Variants in SYNJ2 observed in about 807,000 individuals in gnomAD.
SYNJ2 encodes polyphosphatidylinositol phosphatase SYNJ2.
Under a neutral mutation model 141.3 loss-of-function variants are expected in SYNJ2, and 116 were observed. The ratio of observed to expected loss-of-function variants is 0.82; its 90% CI spans 0.71 to 0.96. The LOEUF (loss-of-function observed/expected upper bound fraction) is 0.96. SYNJ2 is among the 40% of genes least tolerant of loss of function. SYNJ2 has a pLI of 0.00. For missense variants in SYNJ2, 1,873 were observed against 1,934.8 expected (o/e 0.97, Z 0.60); for synonymous variants, 745 against 777.7 (o/e 0.96, Z 0.70).
chr6:158,067,548 C>A, intron 12 of SYNJ2: 4 of 985,390 alleles, frequency 4.1e-6, no homozygotes, highest in Non-Finnish European at 4.8e-6. Context: ...TTGACTCGGG[C>A]CTTGGTTTTT....
At chr6:158,083,900 G>A in intron 21 of SYNJ2, 101 bp from the exon 22 acceptor site, 1 of 1,347,102 alleles carries the variant, frequency 7.4e-7, no homozygotes, top group Admixed American at 1.7e-5. Context: ...AGGGCAGGGT[G>A]CACGTGTCCT....
intron 3 of SYNJ2, 159 bp downstream of exon 3, chr6:158,029,185 G>C (rs750210613): frequency 2.2e-5 from 21 of 966,720 alleles, no homozygotes; most frequent in Non-Finnish European, 3.0e-5. Flanking sequence ...CACAATGAGA[G>C]GAAAACTAAC....
At chr6:158,065,565 CT>C (rs1781514343) in intron 11 of SYNJ2, among the ~76,000 whole-genome samples, 1 of 152,198 alleles carries the variant, frequency 6.6e-6, no homozygotes, top group South Asian at 2.1e-4. Flanking sequence ...CATATTAGGT[CT>C]CATGGAAAAG....
chr6:157,995,352 C>T (rs1429839278), intron 1 of SYNJ2, among the ~76,000 whole-genome samples: 3 of 152,086 alleles, frequency 2.0e-5, no homozygotes, highest in African/African-American at 7.2e-5. Context: ...TTGAGGGGTG[C>T]TCCTATTAAA....
intron 18 of SYNJ2, among the ~76,000 whole-genome samples, chr6:158,080,479 TA>T (rs61208089): frequency 0.12 from 14,802 of 121,348 alleles, 849 homozygotes; most frequent in Non-Finnish European, 0.17. Flanking sequence ...TGACTCAAAA[TA>T]AAAAAAAAAA....
chr6:158,003,602 CATT>C (rs1033615511), intron 1 of SYNJ2, among the ~76,000 whole-genome samples: 2 of 152,224 alleles, frequency 1.3e-5, no homozygotes, highest in African/African-American at 4.8e-5. Flanking sequence ...TAAATGACCT[CATT>C]ATTTTTCTGA....
Position 158,069,554 on chromosome 6 carries a change from G to A in SYNJ2, c.1821G>A (p.Trp607Ter). 2 of 1,613,692 alleles carry A rather than the reference G, an allele frequency of 1.2e-6. No homozygotes were observed. The highest frequency in any genetic ancestry group is 1.7e-6 in the Non-Finnish European group (2 of 1,179,738). The part of the protein sequence containing the change: ...VNASTTNKKM[W>*]GEQLQKAISR... The stretch of plus-strand genomic sequence containing the variant: ...CCAGTACTACCAACAAGAAGATGTG[G>A]GGTGAACAGCTTCAGAAAGCCATCT... The change falls in exon 14 of 27, where the codon TGG becomes TGA. Residue 607 changes from tryptophan to a stop codon, truncating the protein, a stop_gained. Transcript: ENST00000355585. LOFTEE classifies it high-confidence loss of function.
intron 1 of SYNJ2, among the ~76,000 whole-genome samples, chr6:157,997,372 A>T (rs1777672071): frequency 6.6e-6 from 1 of 152,190 alleles, no homozygotes; most frequent in East Asian, 1.9e-4. Context: ...ATCCAATGTG[A>T]CTGGCGTGCT....
intron 2 of SYNJ2, 46 bp from the exon 3 acceptor site, chr6:158,028,710 C>T (rs755935026): frequency 1.4e-5 from 23 of 1,593,836 alleles, no homozygotes; most frequent in Middle Eastern, 1.9e-4. Context: ...TCCAGGCGGC[C>T]GGGCCGACTT....
chr6:158,054,867 A>G, intron 5 of SYNJ2, 100 bp from the exon 6 acceptor site: 1 of 1,290,344 alleles, frequency 7.7e-7, no homozygotes, highest in East Asian at 2.5e-5. Context: ...TGGGTGCCAC[A>G]TGCAGCCTGG....
intron 1 of SYNJ2, among the ~76,000 whole-genome samples, chr6:157,988,128 C>T (rs1408823259): frequency 2.6e-5 from 4 of 152,252 alleles, no homozygotes; most frequent in Admixed American, 6.5e-5. Context: ...CTCCCAGGGC[C>T]TCAGGCAGAC....
At chr6:158,028,056 G>A (rs1326159878) in intron 2 of SYNJ2, 1 of 152,644 alleles carries the variant, frequency 6.6e-6, no homozygotes, top group Non-Finnish European at 1.5e-5. Context: ...TCTTGGGCAA[G>A]AGCCCAGGGT....
chr6:158,076,521 G>A (rs1002417587), intron 16 of SYNJ2, 105 bp from the exon 17 acceptor site: 3 of 1,288,230 alleles, frequency 2.3e-6, no homozygotes, highest in South Asian at 3.0e-5. Flanking sequence ...TGGAGCTTCT[G>A]TTACTTTTTA....
rs1780331101 is a variant in SYNJ2, at chr6:158,047,793, A to AAAAAAAAC, written c.795+4401_795+4402insCAAAAAAA. Among the ~76,000 whole-genome samples the AAAAAAAAC allele has an allele frequency of 2.7e-5, 4 of 149,044 alleles. No individual in the cohort carries two copies. The South Asian group carries it at 8.4e-4, about 31-fold the overall frequency. The stretch of plus-strand genomic sequence containing the variant: ...CTCTGTCAAAAAAAAAAAAAAAAAA[A>AAAAAAAAC]AAAAAAAAAAAACACACAGTATCTA... On this transcript the variant is annotated intron_variant, in intron 5 of 26. Transcript: ENST00000355585.
At chr6:158,010,267 C>G (rs1778215997) in intron 1 of SYNJ2, among the ~76,000 whole-genome samples, 1 of 152,172 alleles carries the variant, frequency 6.6e-6, no homozygotes, top group African/African-American at 2.4e-5. Flanking sequence ...TGTGTTGTCA[C>G]CCCCATTTTG....
intron 4 of SYNJ2, among the ~76,000 whole-genome samples, chr6:158,042,374 A>G (rs533261974): frequency 6.6e-6 from 1 of 152,256 alleles, no homozygotes; most frequent in Non-Finnish European, 1.5e-5. Flanking sequence ...CTGCAGAATG[A>G]CTCATTCCTG....
chr6:158,037,646 C>T (rs999622049), intron 4 of SYNJ2, among the ~76,000 whole-genome samples: 1 of 152,210 alleles, frequency 6.6e-6, no homozygotes, highest in Admixed American at 6.5e-5. Context: ...CGTGATCTGC[C>T]CGCCTCGGCC....
intron 12 of SYNJ2, among the ~76,000 whole-genome samples, chr6:158,068,139 TTA>T (rs1491520222): frequency 1.5e-4 from 18 of 120,774 alleles, no homozygotes; most frequent in African/African-American, 5.2e-4. Flanking sequence ...ATTGTTTTAT[TTA>T]AAAAAAAAAA....
chr6:158,023,791 T>C (rs979050805), intron 2 of SYNJ2, among the ~76,000 whole-genome samples: 3 of 152,198 alleles, frequency 2.0e-5, no homozygotes, highest in Admixed American at 6.5e-5. Flanking sequence ...GCAATCTGTT[T>C]GCAAGTCAGG....
Sources: allele counts gnomAD v4.1 joint callset (sites outside exome capture counted in the v4.1 genomes callset), GRCh38; gene constraint gnomAD v4.1.1; transcripts MANE v1.5; gene names NCBI Gene and HGNC (gene_info 2026-07-23, HGNC 2026-07-21).